GLP2R: variants seen among roughly 807,000 people sequenced by gnomAD.
The protein encoded by GLP2R is glucagon like peptide 2 receptor, also known as glucagon-like peptide 2 receptor.
In GLP2R, 59 loss-of-function variants were observed where a neutral mutation model predicts 68.2. The ratio of observed to expected loss-of-function variants is 0.87; its 90% CI spans 0.70 to 1.07. The LOEUF (loss-of-function observed/expected upper bound fraction) is 1.07. Ranked by LOEUF, GLP2R falls within the 50% of genes least tolerant of loss-of-function variation. The pLI, the probability that GLP2R is intolerant of heterozygous loss-of-function variation, is 0.00. For synonymous variants in GLP2R, 270 were observed against 265.4 expected, an observed-to-expected ratio of 1.02 and a Z score of -0.17; for missense variants, 548 against 677.4, an observed-to-expected ratio of 0.81 and a Z score of 2.12.
chr17:9,842,544 G>A lies in GLP2R; in HGVS notation c.432G>A (p.Gln144=). 6.2e-7 allele frequency: 1 copy of A among 1,614,140 alleles called. No homozygotes were observed. The highest frequency in any genetic ancestry group is 1.1e-5 in the South Asian group (1 of 91,086). Residue 144 remains glutamine (Q), a synonymous_variant, in exon 4 of 13, where the codon CAG becomes CAA. Transcript: ENST00000262441. ...YRHCLAQGTW[Q]TIENATDIWQ... ...ACTGCTTGGCTCAGGGGACTTGGCA[G>A]ACGATAGAGAACGCCACGGATATTT...
intron 1 of GLP2R, among the ~76,000 whole-genome samples, chr17:9,831,173 G>A (rs2066676375): frequency 6.6e-6 from 1 of 152,116 alleles, no homozygotes; most frequent in African/African-American, 2.4e-5. Context: ...AATCTACCTG[G>A]CCCTAGAAAA....
At chr17:9,855,938 C>G (rs2066930700) in intron 5 of GLP2R, among the ~76,000 whole-genome samples, 1 of 152,222 alleles carries the variant, frequency 6.6e-6, no homozygotes, top group Admixed American at 6.5e-5. Flanking sequence ...AAAGCTGTCT[C>G]TGGTCTCAGG....
chr17:9,860,456 G>A (rs7219034), intron 7 of GLP2R, among the ~76,000 whole-genome samples: 42,244 of 152,066 alleles, frequency 0.28, 9,732 homozygotes, highest in African/African-American at 0.62. Context: ...GTTCTGGAGG[G>A]TGGGAAGTTC....
intron 10 of GLP2R, among the ~76,000 whole-genome samples, chr17:9,879,504 A>C (rs2067174690): frequency 6.6e-6 from 1 of 151,998 alleles, no homozygotes; most frequent in Admixed American, 6.6e-5. Flanking sequence ...CTCTTAAAAA[A>C]AATTAACTTC....
chr17:9,857,320 A>T, intron 5 of GLP2R, 103 bp from the exon 6 acceptor site: 1 of 981,480 alleles, frequency 1.0e-6, no homozygotes, highest in South Asian at 1.5e-5. Flanking sequence ...CTATACTATG[A>T]CCCTCTGTCT....
chr17:9,860,443 A>G (rs549893167), intron 7 of GLP2R, among the ~76,000 whole-genome samples: 8 of 152,256 alleles, frequency 5.3e-5, no homozygotes, highest in East Asian at 3.9e-4. Context: ...TTGATTTCCT[A>G]TGGTTCTGGA....
intron 4 of GLP2R, among the ~76,000 whole-genome samples, chr17:9,850,692 C>CTTTTTTTTTTTTTTTTTTTTTCTT (rs11288196): frequency 7.9e-6 from 1 of 125,998 alleles, no homozygotes; most frequent in Non-Finnish European, 1.6e-5. Flanking sequence ...GATTTTTTCA[C>CTTTTTTTTTTTTTTTTTTTTTCTT]TTTTTTTTTT....
At chr17:9,865,786 C>G in intron 9 of GLP2R, 1 of 470,490 alleles carries the variant, frequency 2.1e-6, no homozygotes, top group Non-Finnish European at 4.4e-6. Context: ...CAATCACCCT[C>G]AGCTCTTAGA....
chr17:9,826,468 C>G (rs1318384488), intron 1 of GLP2R, among the ~76,000 whole-genome samples: 2 of 151,904 alleles, frequency 1.3e-5, no homozygotes, highest in Non-Finnish European at 2.9e-5. Flanking sequence ...TTTTTTACAA[C>G]AGCTGATATT....
At chr17:9,878,723 G>A (rs942832537) in intron 10 of GLP2R, among the ~76,000 whole-genome samples, 7 of 152,184 alleles carry the variant, frequency 4.6e-5, no homozygotes, top group Non-Finnish European at 1.0e-4. Context: ...ACAAAGGTGA[G>A]GTTGTTTATT....
At chr17:9,862,421 C>T (rs370932513) in intron 9 of GLP2R, among the ~76,000 whole-genome samples, 1 of 152,164 alleles carries the variant, frequency 6.6e-6, no homozygotes, top group South Asian at 2.1e-4. Context: ...CCCAGAATAG[C>T]AGGGGTATCG....
chr17:9,860,162 A>G, intron 7 of GLP2R, 61 bp downstream of exon 7: 4 of 1,446,660 alleles, frequency 2.8e-6, no homozygotes, highest in African/African-American at 1.4e-5. Context: ...GGAGCCTGAT[A>G]GAGACTTTAG....
chr17:9,858,936 A>G (rs1446011333), intron 6 of GLP2R, among the ~76,000 whole-genome samples: 1 of 152,064 alleles, frequency 6.6e-6, no homozygotes, highest in African/African-American at 2.4e-5. Flanking sequence ...GGCATTGTTG[A>G]TTATCTTTAT....
intron 3 of GLP2R, among the ~76,000 whole-genome samples, chr17:9,838,662 A>C (rs1482921000): frequency 6.6e-6 from 1 of 152,198 alleles, no homozygotes. Flanking sequence ...GGGCTTCTGG[A>C]ATGTGAAGGG....
chr17:9,859,009 C>T (rs1277408173), intron 6 of GLP2R, among the ~76,000 whole-genome samples: 1 of 152,088 alleles, frequency 6.6e-6, no homozygotes, highest in East Asian at 1.9e-4. Flanking sequence ...TTTCTTTGGG[C>T]TTAATTTGCT....
At position 9,860,044 on chromosome 17, in the gene GLP2R, G is replaced by C. The variant is rs1188159356; in HGVS notation, c.868G>C (p.Glu290Gln). 6.2e-7 allele frequency: 1 copy of C among 1,613,414 alleles called. No individual in the cohort carries two copies. The highest frequency in any genetic ancestry group is 8.5e-7 in the Non-Finnish European group (1 of 1,179,784). The part of the protein sequence containing the change: ...VEGLYLHTLL[E>Q]PTVLPERRLW... ...AGGCCTCTACCTCCACACGCTGCTG[G>C]AGCCCACAGTGCTTCCTGAGAGGCG... Residue 290 changes from glutamate (E) to glutamine (Q), a missense_variant, in exon 7 of 13, where the codon GAG becomes CAG. Transcript: ENST00000262441.
At chr17:9,884,881 G>A (rs79352577) in intron 11 of GLP2R, among the ~76,000 whole-genome samples, 31,301 of 151,646 alleles carry the variant, frequency 0.21, 4,242 homozygotes, top group Non-Finnish European at 0.31. Context: ...ATTAGAGGGG[G>A]AAAAAAAACT....
intron 11 of GLP2R, 135 bp downstream of exon 11, chr17:9,880,651 C>T (rs2067186870): frequency 1.7e-6 from 1 of 580,138 alleles, no homozygotes. Flanking sequence ...AGTAAGGGCC[C>T]TTGGCATTAG....
At chr17:9,888,294 A>G (rs1056562409) in intron 12 of GLP2R, among the ~76,000 whole-genome samples, 3 of 152,098 alleles carry the variant, frequency 2.0e-5, no homozygotes, top group African/African-American at 4.8e-5. Context: ...GCCTTGGTTC[A>G]CCCTCAGGAG....
Sources: gnomAD v4.1 joint callset for allele counts (sites outside exome capture counted in the v4.1 genomes callset) on GRCh38, gnomAD v4.1.1 for gene constraint, MANE v1.5 for transcripts, NCBI Gene and HGNC (gene_info 2026-07-23, HGNC 2026-07-21) for gene names.